C9: variants seen among roughly 807,000 people sequenced by gnomAD.
The protein encoded by C9 is complement C9.
In C9, 63 loss-of-function variants were observed where a neutral mutation model predicts 65.4. The ratio of observed to expected loss-of-function variants is 0.96; its 90% confidence interval spans 0.79 to 1.19. The LOEUF (loss-of-function observed/expected upper bound fraction) is 1.19, where lower values mean the gene tolerates loss of function less well. Among genes scored for constraint, C9 ranks in the 50% most tolerant of loss-of-function variants. The probability of loss-of-function intolerance (pLI) is 0.00; values close to 1 mark genes in which losing one functional copy is unlikely to be tolerated. For missense variants in C9, 744 were observed against 670.1 expected (o/e 1.11, Z -1.22); for synonymous variants, 229 against 227.9 (o/e 1.00, Z -0.04).
intron 5 of C9, among the ~76,000 whole-genome samples, chr5:39,327,860 T>C (rs576178269): frequency 1.9e-4 from 29 of 152,134 alleles, no homozygotes; most frequent in Non-Finnish European, 3.8e-4. Flanking sequence ...AAAAGGGAGC[T>C]CAAAATAAGC....
intron 10 of C9, among the ~76,000 whole-genome samples, chr5:39,287,418 C>G (rs909289717): frequency 1.3e-5 from 2 of 151,870 alleles, no homozygotes; most frequent in African/African-American, 2.4e-5. Context: ...AGGACTACCA[C>G]TCAACAGTCC....
Position 39,308,216 on chromosome 5 carries a change from G to A in C9, c.1240+14C>T. 6.2e-7 allele frequency: 1 copy of A among 1,611,946 alleles called. No homozygotes were observed. Among genetic ancestry groups the A allele is most frequent in the South Asian group, 1.1e-5 (1 of 91,046 alleles). ...TCAGGCTTTATAAAATCTAACAAGT[G>A]AGGCCACACTTACCAGCTCTACCCT... On this transcript the variant is annotated intron_variant, in intron 8 of 10. Transcript: ENST00000263408.
chr5:39,337,316 C>T (rs1277457612), intron 4 of C9, among the ~76,000 whole-genome samples: 1 of 152,132 alleles, frequency 6.6e-6, no homozygotes, highest in African/African-American at 2.4e-5. Flanking sequence ...ATCAAATTGG[C>T]CAGTTGGCTG....
At chr5:39,302,501 A>G (rs1384765493) in intron 9 of C9, among the ~76,000 whole-genome samples, 1 of 152,126 alleles carries the variant, frequency 6.6e-6, no homozygotes, top group African/African-American at 2.4e-5. Flanking sequence ...GTTAGAAATG[A>G]TTTTCACTGG....
At chr5:39,312,916 C>T (rs1237397693) in intron 6 of C9, among the ~76,000 whole-genome samples, 1 of 152,020 alleles carries the variant, frequency 6.6e-6, no homozygotes, top group African/African-American at 2.4e-5. Context: ...AAATCTTAGC[C>T]TGTATGTTAT....
intron 3 of C9, 21 bp from the exon 4 acceptor site, chr5:39,341,314 G>A: frequency 6.2e-7 from 1 of 1,613,100 alleles, no homozygotes; most frequent in Non-Finnish European, 8.5e-7. Context: ...AATCAGGAGA[G>A]ACTCAATGTA....
intron 1 of C9, among the ~76,000 whole-genome samples, chr5:39,355,549 C>G (rs1754400564): frequency 6.6e-6 from 1 of 152,166 alleles, no homozygotes; most frequent in African/African-American, 2.4e-5. Flanking sequence ...CTCTCCCGGA[C>G]TGTGACTTGA....
intron 1 of C9, among the ~76,000 whole-genome samples, chr5:39,360,038 A>G (rs529563851): frequency 6.6e-6 from 1 of 152,370 alleles, no homozygotes; most frequent in South Asian, 2.1e-4. Flanking sequence ...AAGTAGGAGG[A>G]AAAAGTGACA....
At position 39,333,226 on chromosome 5, in the gene C9, G is replaced by A. The variant is rs948430724; in HGVS notation, c.477-1412C>T. Among the ~76,000 whole-genome samples, 6 of 151,992 alleles carry A rather than the reference G, an allele frequency of 3.9e-5. No homozygotes were observed. The South Asian group carries it at 1.2e-3, about 32-fold the overall frequency. Reference sequence around the variant, plus strand: ...CCCAATCCTTTACCCATCTCTGCATGTACACCCTTGCCATGACCTCATCAC... The same window carrying A: ...CCCAATCCTTTACCCATCTCTGCATATACACCCTTGCCATGACCTCATCAC... On this transcript the variant is annotated intron_variant, in intron 4 of 10. Coordinates refer to ENST00000263408, the MANE Select transcript of C9 (RefSeq NM_001737.5).
intron 1 of C9, among the ~76,000 whole-genome samples, chr5:39,346,258 A>G (rs1754192146): frequency 6.6e-6 from 1 of 152,228 alleles, no homozygotes; most frequent in Non-Finnish European, 1.5e-5. Context: ...GATCAACAAA[A>G]TTGATAGACC....
chr5:39,343,736 A>T (rs546982344), intron 1 of C9, among the ~76,000 whole-genome samples: 3 of 152,110 alleles, frequency 2.0e-5, no homozygotes, highest in African/African-American at 7.2e-5. Flanking sequence ...CTCAAGTGGG[A>T]CCCTGATCCC....
chr5:39,337,490 A>G (rs115308791), intron 4 of C9, among the ~76,000 whole-genome samples: 1,788 of 152,344 alleles, frequency 0.012, 38 homozygotes, highest in African/African-American at 0.04. Context: ...CTTCTCATGG[A>G]TGGAAAGTCA....
chr5:39,312,520 G>C (rs536212821), intron 6 of C9, among the ~76,000 whole-genome samples: 3 of 152,232 alleles, frequency 2.0e-5, no homozygotes, highest in African/African-American at 7.2e-5. Flanking sequence ...TTTAATGACA[G>C]AGACAGGACA....
At chr5:39,330,411 T>C (rs1255592891) in intron 5 of C9, among the ~76,000 whole-genome samples, 1 of 152,190 alleles carries the variant, frequency 6.6e-6, no homozygotes, top group Non-Finnish European at 1.5e-5. Context: ...CACTATTCTA[T>C]GTCGTACAAG....
intron 1 of C9, among the ~76,000 whole-genome samples, chr5:39,345,044 C>A (rs561543864): frequency 6.6e-6 from 1 of 152,242 alleles, no homozygotes; most frequent in South Asian, 2.1e-4. Context: ...AAAGAAACAA[C>A]CAGTACCAGC....
intron 6 of C9, among the ~76,000 whole-genome samples, chr5:39,314,613 C>G (rs181557527): frequency 6.6e-6 from 1 of 152,110 alleles, no homozygotes; most frequent in Non-Finnish European, 1.5e-5. Flanking sequence ...TTCAATTTGA[C>G]TAACTTTTAT....
chr5:39,334,225 G>A (rs1453581848), intron 4 of C9, among the ~76,000 whole-genome samples: 1 of 151,168 alleles, frequency 6.6e-6, no homozygotes, highest in African/African-American at 2.4e-5. Context: ...CTGCCCGGCG[G>A]CCCATCATCT....
chr5:39,331,839 GA>G (rs1753846461), intron 4 of C9, 25 bp from the exon 5 acceptor site: 1 of 1,609,584 alleles, frequency 6.2e-7, no homozygotes, highest in African/African-American at 1.3e-5. Flanking sequence ...AGTAGTATCA[GA>G]AGTGGAAATA....
chr5:39,359,221 A>C (rs835218), intron 1 of C9, among the ~76,000 whole-genome samples: 60,551 of 149,128 alleles, frequency 0.41, 12,342 homozygotes, highest in Middle Eastern at 0.51. Context: ...AGTAACTTGG[A>C]GAATGGTGGT....
Sources: allele counts gnomAD v4.1 joint callset (sites outside exome capture counted in the v4.1 genomes callset), GRCh38; gene constraint gnomAD v4.1.1; transcripts MANE v1.5; gene names NCBI Gene and HGNC (gene_info 2026-07-23, HGNC 2026-07-21).